The following CHD6 variants were observed in gnomAD, a reference collection of about 807,000 sequenced individuals.
The protein encoded by CHD6 is ATP-dependent chromatin remodeler CHD6.
CHD6 carries 50 observed loss-of-function variants against 276.9 expected under a neutral mutation model. The ratio of observed to expected loss-of-function variants is 0.18; its 90% CI spans 0.14 to 0.23. CHD6 has a LOEUF of 0.23. Ranked by LOEUF, CHD6 falls within the 10% of genes least tolerant of loss-of-function variation. The probability of loss-of-function intolerance (pLI) is 1.00; values close to 1 mark genes in which losing one functional copy is unlikely to be tolerated. For synonymous variants in CHD6, 1,173 were observed against 1,229.3 expected, an observed-to-expected ratio of 0.95 and a Z score of 0.96; for missense variants, 2,564 against 3,365.8, an observed-to-expected ratio of 0.76 and a Z score of 5.89.
Position 41,403,181 on chromosome 20 carries a change from A to G in CHD6, c.*1412T>C. 2.4e-6 allele frequency: 2 copies of G among 841,720 alleles called. No homozygotes were observed. Among genetic ancestry groups the G allele is most frequent in the Non-Finnish European group, 3.0e-6 (2 of 676,936 alleles). 52.1% of individuals were successfully genotyped at this position (841,720 alleles called of 1,614,324 possible). A position where few individuals can be genotyped will look rare whatever the true frequency, so the allele number is the denominator to read the frequency against. On this transcript the variant is annotated 3_prime_UTR_variant, in exon 37 of 37. Transcript: ENST00000373233. ...AAAACTGTAACAGAAAAAGTAAAAA[A>G]TACAGTAAATTGTGACAACAAAAAG... is the stretch of plus-strand genomic sequence containing the variant.
intron 26 of CHD6, among the ~76,000 whole-genome samples, chr20:41,439,328 C>T (rs2047823493): frequency 6.6e-6 from 1 of 151,564 alleles, no homozygotes; most frequent in African/African-American, 2.4e-5. Context: ...TGCACTCCTG[C>T]CTGGGTGACA....
intron 1 of CHD6, among the ~76,000 whole-genome samples, chr20:41,557,028 T>C (rs976759732): frequency 6.6e-6 from 1 of 152,240 alleles, no homozygotes. Context: ...GACTAGATCC[T>C]TCTGGCTCAA....
At chr20:41,576,205 A>C (rs1220321152) in intron 1 of CHD6, among the ~76,000 whole-genome samples, 2 of 152,252 alleles carry the variant, frequency 1.3e-5, no homozygotes, top group African/African-American at 4.8e-5. Flanking sequence ...TTCTCTGTAC[A>C]TGAAGAAAAT....
At chr20:41,493,224 T>C (rs1432622926) in intron 10 of CHD6, among the ~76,000 whole-genome samples, 1 of 152,130 alleles carries the variant, frequency 6.6e-6, no homozygotes. Context: ...TGAGCTTCTC[T>C]TGCACACCAG....
At chr20:41,554,307 C>T (rs1299639502) in intron 1 of CHD6, among the ~76,000 whole-genome samples, 1 of 152,200 alleles carries the variant, frequency 6.6e-6, no homozygotes, top group African/African-American at 2.4e-5. Flanking sequence ...TAAAAACAAG[C>T]AGGGCACCTA....
At position 41,470,354 on chromosome 20, in the gene CHD6, T is replaced by TA. The variant is rs796889786; in HGVS notation, c.2664+2967dup. On this transcript the variant is annotated intron_variant, in intron 17 of 36. Transcript: ENST00000373233. ...ATCTCTACCTAGACTGGCTAGACTT[T>TA]AAAAAAAAAAAAAGGATGATTCCTT... Among the ~76,000 whole-genome samples the TA allele has an allele frequency of 5.0e-3, 727 of 144,450 alleles. 4 individuals carry two copies. Among genetic ancestry groups the TA allele is most frequent in the African/African-American group, 0.013 (506 of 39,512 alleles). 94.8% of individuals were successfully genotyped at this position (144,450 alleles called of 152,430 possible). A position where few individuals can be genotyped will look rare whatever the true frequency, so the allele number is the denominator to read the frequency against.
rs373250550 is a variant in CHD6, at chr20:41,421,025, C to T, written c.5610G>A (p.Glu1870=). The stretch of plus-strand genomic sequence containing the variant: ...CTAAGTTTTCCTCCTCGTTTTCCTC[C>T]TCTTCTTCCTCCTCATCACTGTGGT... ...SQNHSDEEEE[E]EENEEENLAM... is the part of the protein sequence containing the mutation. The change falls in exon 31 of 37, where the codon GAG becomes GAA. Residue 1870 remains glutamate, a synonymous_variant. Coordinates refer to ENST00000373233, the MANE Select transcript of CHD6 (RefSeq NM_032221.5). The T allele has an allele frequency of 5.6e-6, 9 of 1,613,662 alleles. No homozygotes were observed. In the African/African-American group the frequency reaches 8.0e-5, roughly 14 times the overall value.
chr20:41,437,286 G>A lies in CHD6; in HGVS notation c.4056C>T (p.Leu1352=), dbSNP rs1018533383. ...ACATTTGACTCACCGTTTGTTTCTG[G>A]AGGCCATCTACTTTGTCCTCAGCAT... is the stretch of plus-strand genomic sequence containing the variant. ...EDNAEDKVDG[L]QKQTESSSDG... The change falls in exon 27 of 37, where the codon CTC becomes CTT. Residue 1352 remains leucine (L), a synonymous_variant. Transcript: ENST00000373233. 6.2e-7 allele frequency: 1 copy of A among 1,613,412 alleles called. No homozygotes were observed. Among genetic ancestry groups the A allele is most frequent in the Non-Finnish European group, 8.5e-7 (1 of 1,179,496 alleles).
chr20:41,530,572 A>G (rs1158615041), intron 3 of CHD6, among the ~76,000 whole-genome samples: 1 of 152,220 alleles, frequency 6.6e-6, no homozygotes, highest in African/African-American at 2.4e-5. Flanking sequence ...GTGTGTATAT[A>G]TATACATGTA....
chr20:41,543,102 CAAAAAAAAA>C, intron 2 of CHD6, among the ~76,000 whole-genome samples: 1 of 80,706 alleles, frequency 1.2e-5, no homozygotes, highest in African/African-American at 5.3e-5. Context: ...GACTCTGTCT[CAAAAAAAAA>C]AAAAAAAAGG....
chr20:41,454,594 G>T, intron 20 of CHD6, 32 bp downstream of exon 20: 1 of 1,501,274 alleles, frequency 6.7e-7, no homozygotes, highest in Non-Finnish European at 9.2e-7. Context: ...ATAAGTGAAT[G>T]TTCCATGGAA....
At chr20:41,612,220 C>T (rs978693940) in intron 1 of CHD6, among the ~76,000 whole-genome samples, 1 of 152,206 alleles carries the variant, frequency 6.6e-6, no homozygotes, top group South Asian at 2.1e-4. Flanking sequence ...GGTAAGCAGA[C>T]CACAGATCTG....
chr20:41,589,568 C>A (rs990651698), intron 1 of CHD6, among the ~76,000 whole-genome samples: 2 of 152,164 alleles, frequency 1.3e-5, no homozygotes, highest in African/African-American at 2.4e-5. Context: ...TTCTTATACA[C>A]CAATAACAGG....
chr20:41,407,071 C>T (rs1312483002), intron 36 of CHD6, among the ~76,000 whole-genome samples: 1 of 152,206 alleles, frequency 6.6e-6, no homozygotes, highest in African/African-American at 2.4e-5. Context: ...TCAATGGTCA[C>T]CATCAAGGCC....
At chr20:41,597,472 G>A (rs527329959) in intron 1 of CHD6, among the ~76,000 whole-genome samples, 3 of 151,976 alleles carry the variant, frequency 2.0e-5, no homozygotes, top group African/African-American at 2.4e-5. Context: ...CCTTGAATTC[G>A]CAGTTCACCA....
chr20:41,482,677 T>C, intron 16 of CHD6: 2 of 378,962 alleles, frequency 5.3e-6, no homozygotes, highest in Non-Finnish European at 1.0e-5. Flanking sequence ...AAATCTAAAG[T>C]AATACACATG....
In CHD6 at chr20:41,512,927, A is replaced by G; in HGVS notation, c.771T>C (p.Asp257=). The change falls in exon 5 of 37, where the codon GAT becomes GAC. Residue 257 remains aspartate (D), a synonymous_variant. Transcript: ENST00000373233. ...YNEDLDFKVV[D]DDGETIAVLG... Reference sequence around the variant, plus strand: ...GAACAGCAATTGTTTCCCCATCATCATCCACCACTTTGAAGTCCAGGTCCT... The same window carrying G: ...GAACAGCAATTGTTTCCCCATCATCGTCCACCACTTTGAAGTCCAGGTCCT... 1 of 1,614,034 alleles carries G rather than the reference A, an allele frequency of 6.2e-7. No individual in the cohort carries two copies. The highest frequency in any genetic ancestry group is 8.5e-7 in the Non-Finnish European group (1 of 1,179,940).
At chr20:41,487,028 C>T (rs1028752749) in intron 14 of CHD6, among the ~76,000 whole-genome samples, 12 of 152,138 alleles carry the variant, frequency 7.9e-5, no homozygotes, top group African/African-American at 2.7e-4. Flanking sequence ...TCTTATGGCA[C>T]GTACATTTGT....
intron 5 of CHD6, among the ~76,000 whole-genome samples, chr20:41,503,265 A>G (rs1406092974): frequency 1.3e-5 from 2 of 152,218 alleles, no homozygotes; most frequent in East Asian, 3.8e-4. Context: ...ATTGCATATT[A>G]TCTTTATATA....
Sources: gnomAD v4.1 joint callset for allele counts (sites outside exome capture counted in the v4.1 genomes callset) on GRCh38, gnomAD v4.1.1 for gene constraint, MANE v1.5 for transcripts, NCBI Gene and HGNC (gene_info 2026-07-23, HGNC 2026-07-21) for gene names.